Variants in NEDD4L observed in about 807,000 individuals in gnomAD.
NEDD4L encodes E3 ubiquitin-protein ligase NEDD4-like.
In NEDD4L, 54 loss-of-function variants were observed where a neutral mutation model predicts 148.9. The observed-to-expected ratio is 0.36, with a 90% CI of 0.29 to 0.45. NEDD4L has a LOEUF of 0.45. Among genes scored for constraint, NEDD4L ranks in the 20% least tolerant of loss-of-function variants. The pLI is 1.00. For missense variants in NEDD4L, 856 were observed against 1,233.8 expected, an observed-to-expected ratio of 0.69 and a Z score of 4.59; for synonymous variants, 433 against 440.7, an observed-to-expected ratio of 0.98 and a Z score of 0.22.
chr18:58,132,990 G>A (rs1223206081), intron 1 of NEDD4L, among the ~76,000 whole-genome samples: 1 of 152,150 alleles, frequency 6.6e-6, no homozygotes, highest in African/African-American at 2.4e-5. Flanking sequence ...AGACCATAGC[G>A]TGCATTTTCA....
intron 19 of NEDD4L, among the ~76,000 whole-genome samples, chr18:58,359,292 C>G (rs2045155911): frequency 6.6e-6 from 1 of 152,074 alleles, no homozygotes; most frequent in African/African-American, 2.4e-5. Flanking sequence ...ATAGAGTACT[C>G]TCTATTTTAT....
At chr18:58,293,943 G>A (rs71355693) in intron 5 of NEDD4L, among the ~76,000 whole-genome samples, 1,699 of 152,032 alleles carry the variant, frequency 0.011, 16 homozygotes, top group South Asian at 0.032. Context: ...GGCTGATCTC[G>A]AACTCCTGGG....
At chr18:58,375,113 C>G (rs887024279) in intron 24 of NEDD4L, among the ~76,000 whole-genome samples, 1 of 152,022 alleles carries the variant, frequency 6.6e-6, no homozygotes, top group Non-Finnish European at 1.5e-5. Context: ...CTCAGAATCT[C>G]CCTCTCTCCT....
chr18:58,341,659 GT>G lies in NEDD4L; in HGVS notation c.1258-14del. On this transcript the variant is annotated intron_variant, in intron 14 of 30. Coordinates refer to ENST00000400345, the MANE Select transcript of NEDD4L (RefSeq NM_001144967.3). ...GGAGATCCTCCTATGAAGCTAACTT[GT>G]TTTTGCCTCCAAAATAGCTTGCAGA... 6.2e-7 allele frequency: 1 copy of G among 1,608,486 alleles called. No individual in the cohort carries two copies. Among genetic ancestry groups the G allele is most frequent in the South Asian group, 1.1e-5 (1 of 89,606 alleles).
chr18:58,203,374 C>T (rs1286480574), intron 2 of NEDD4L, among the ~76,000 whole-genome samples: 2 of 152,198 alleles, frequency 1.3e-5, no homozygotes, highest in African/African-American at 4.8e-5. Context: ...AGTGAAACCA[C>T]TGTCATAATA....
chr18:58,051,192 A>T (rs2081852989), intron 1 of NEDD4L, among the ~76,000 whole-genome samples: 1 of 152,158 alleles, frequency 6.6e-6, no homozygotes, highest in Admixed American at 6.5e-5. Flanking sequence ...TGGGAGGTTG[A>T]GGCTGCAGTG....
At chr18:58,075,295 C>T (rs1487213509) in intron 1 of NEDD4L, among the ~76,000 whole-genome samples, 7 of 152,070 alleles carry the variant, frequency 4.6e-5, no homozygotes, top group South Asian at 2.1e-4. Flanking sequence ...GGATTACAGG[C>T]GCACACCACC....
rs1236088983 is a variant in NEDD4L at position 58,399,489 on chromosome 18, T to G, written c.*3220T>G. 6.6e-6 allele frequency: 1 copy of G among 152,140 alleles called. No homozygotes were observed. The highest frequency in any genetic ancestry group is 2.4e-5 in the African/African-American group (1 of 41,422). 9.4% of individuals were successfully genotyped at this position (152,140 alleles called of 1,614,324 possible). A position where few individuals can be genotyped will look rare whatever the true frequency, so the allele number is the denominator to read the frequency against. ...CCCATGTAAGGACAAAGGGACAGAT[T>G]ATTATTGTTATTTCTGAGACAGAGT... On this transcript the variant is annotated 3_prime_UTR_variant, in exon 31 of 31. Transcript: ENST00000400345.
chr18:58,150,753 T>C (rs897210827), intron 1 of NEDD4L, among the ~76,000 whole-genome samples: 1 of 152,206 alleles, frequency 6.6e-6, no homozygotes. Context: ...TGAGCTGTAG[T>C]GGTCAGTCCC....
intron 2 of NEDD4L, among the ~76,000 whole-genome samples, chr18:58,195,006 G>A (rs1393338346): frequency 6.6e-6 from 1 of 152,250 alleles, no homozygotes; most frequent in African/African-American, 2.4e-5. Context: ...TCCAAAGCTA[G>A]TTTTGGCTGA....
At chr18:58,168,477 T>C (rs1242594846) in intron 2 of NEDD4L, among the ~76,000 whole-genome samples, 1 of 152,240 alleles carries the variant, frequency 6.6e-6, no homozygotes, top group Non-Finnish European at 1.5e-5. Context: ...TCTTTGTAAC[T>C]GGCATGTGGG....
At chr18:58,395,924 G>A (rs2050435177) in intron 30 of NEDD4L, among the ~76,000 whole-genome samples, 2 of 152,158 alleles carry the variant, frequency 1.3e-5, no homozygotes, top group African/African-American at 4.8e-5. Flanking sequence ...ATTCCTCCGA[G>A]ATCTGCATCT....
At chr18:58,316,952 CTTTATTTA>C (rs375879727) in intron 6 of NEDD4L, among the ~76,000 whole-genome samples, 78,157 of 151,506 alleles carry the variant, frequency 0.52, 20,570 homozygotes, top group African/African-American at 0.63. Context: ...AGTGACTTTA[CTTTATTTA>C]CTTTATTTAA....
intron 2 of NEDD4L, among the ~76,000 whole-genome samples, 163 bp from the exon 3 acceptor site, chr18:58,245,264 A>C (rs563719655): frequency 1.5e-4 from 23 of 152,314 alleles, no homozygotes; most frequent in Middle Eastern, 3.4e-3. Context: ...ACTTTACTCC[A>C]AGTGTATTGA....
chr18:58,299,750 A>G (rs1284359908), intron 5 of NEDD4L, among the ~76,000 whole-genome samples: 2 of 152,206 alleles, frequency 1.3e-5, no homozygotes, highest in Admixed American at 1.3e-4. Context: ...GAGAGTTTCA[A>G]AAAGGCTTTC....
At chr18:58,133,955 A>T (rs772660783) in intron 1 of NEDD4L, among the ~76,000 whole-genome samples, 2 of 152,072 alleles carry the variant, frequency 1.3e-5, no homozygotes, top group Non-Finnish European at 2.9e-5. Context: ...TAGGGATGAG[A>T]GTGTGAGGTA....
intron 1 of NEDD4L, among the ~76,000 whole-genome samples, chr18:58,113,189 A>C (rs2085525284): frequency 6.6e-6 from 1 of 152,220 alleles, no homozygotes; most frequent in African/African-American, 2.4e-5. Context: ...AAAGGGGAGC[A>C]ATGCTGACCA....
intron 1 of NEDD4L, among the ~76,000 whole-genome samples, chr18:58,095,635 G>A (rs545933040): frequency 3.3e-5 from 5 of 152,196 alleles, no homozygotes; most frequent in Admixed American, 3.3e-4. Context: ...GGCATTGATC[G>A]ACACTGTGGA....
intron 1 of NEDD4L, among the ~76,000 whole-genome samples, chr18:58,079,180 G>A (rs1278338451): frequency 1.3e-5 from 2 of 152,106 alleles, no homozygotes; most frequent in Non-Finnish European, 2.9e-5. Flanking sequence ...GTTTAATTAC[G>A]ATGTATCCTT....
Sources: gnomAD v4.1 joint callset for allele counts (sites outside exome capture counted in the v4.1 genomes callset) on GRCh38, gnomAD v4.1.1 for gene constraint, MANE v1.5 for transcripts, NCBI Gene and HGNC (gene_info 2026-07-23, HGNC 2026-07-21) for gene names.